TULP4: variants seen among roughly 807,000 people sequenced by gnomAD.
TULP4 encodes the protein TUB like protein 4.
A neutral mutation model predicts 129.0 loss-of-function variants in TULP4; 16 were observed. That is an observed-to-expected ratio of 0.12 (90% confidence interval 0.08 to 0.19). The LOEUF is 0.19. Among genes scored for constraint, TULP4 ranks in the 10% least tolerant of loss-of-function variants. The pLI is 1.00. For synonymous variants in TULP4, 998 were observed against 854.0 expected, an observed-to-expected ratio of 1.17 and a Z score of -2.94; for missense variants, 1,842 against 2,059.1, an observed-to-expected ratio of 0.89 and a Z score of 2.04.
chr6:158,239,659 C>A (rs1313350605), intron 1 of TULP4, among the ~76,000 whole-genome samples: 1 of 71,514 alleles, frequency 1.4e-5, no homozygotes, highest in African/African-American at 4.7e-5. Context: ...CACCTCCCTC[C>A]CGGACCGGGC....
chr6:158,295,968 C>G (rs1045921625), intron 1 of TULP4, among the ~76,000 whole-genome samples: 4 of 152,200 alleles, frequency 2.6e-5, no homozygotes, highest in African/African-American at 9.6e-5. Context: ...TAGCCACCCC[C>G]CAAATAAGCA....
chr6:158,435,758 G>A (rs1001083630), intron 3 of TULP4, among the ~76,000 whole-genome samples: 5 of 151,946 alleles, frequency 3.3e-5, no homozygotes, highest in African/African-American at 4.8e-5. Flanking sequence ...AGACGTAGAC[G>A]TTGCTCAAGT....
chr6:158,280,297 A>G (rs939062201), upstream of TULP4, among the ~76,000 whole-genome samples: 1 of 152,148 alleles, frequency 6.6e-6, no homozygotes, highest in African/African-American at 2.4e-5. Context: ...ATGCCATTTT[A>G]TCTTTTTTTA....
At chr6:158,483,243 A>G (rs976132439) in intron 8 of TULP4, among the ~76,000 whole-genome samples, 12 of 152,262 alleles carry the variant, frequency 7.9e-5, no homozygotes, top group Non-Finnish European at 1.5e-4. Flanking sequence ...AAGGCACAAT[A>G]TAACTAATTG....
At chr6:158,303,958 G>C (rs6455563) in intron 1 of TULP4, among the ~76,000 whole-genome samples, 2,723 of 152,246 alleles carry the variant, frequency 0.018, 73 homozygotes, top group African/African-American at 0.061. Context: ...CTCCACTCCC[G>C]ATGGTAAATT....
chr6:158,317,370 A>G (rs910842387), intron 1 of TULP4, among the ~76,000 whole-genome samples: 1 of 145,258 alleles, frequency 6.9e-6, no homozygotes, highest in Non-Finnish European at 1.5e-5. Context: ...CCTGTATCCA[A>G]GTGTTCTCAT....
At chr6:158,402,547 T>G (rs1777877341) in intron 1 of TULP4, among the ~76,000 whole-genome samples, 1 of 152,242 alleles carries the variant, frequency 6.6e-6, no homozygotes. Context: ...TACTCAAAAT[T>G]AACTGGACTT....
At chr6:158,448,965 C>G (rs1779108672) in intron 3 of TULP4, 31 bp from the exon 4 acceptor site, 2 of 1,572,832 alleles carry the variant, frequency 1.3e-6, no homozygotes, top group African/African-American at 2.7e-5. Context: ...CTTGCTGCCA[C>G]TTGGTCAGAG....
At chr6:158,234,905 G>A (rs775460313) in intron 1 of TULP4, among the ~76,000 whole-genome samples, 13 of 152,122 alleles carry the variant, frequency 8.5e-5, no homozygotes, top group Non-Finnish European at 1.5e-4. Flanking sequence ...GGTGGCTCCC[G>A]CCTATAATCC....
rs749231426 is a variant in TULP4 at position 158,481,075 on chromosome 6, C to T, written c.1272C>T (p.Asn424=). The T allele has an allele frequency of 1.9e-6, 3 of 1,580,112 alleles. No individual in the cohort carries two copies. In the East Asian group the frequency reaches 6.8e-5, roughly 36 times the overall value. ...PTIKPPIPDP[N]NMRDFVSYPS... ...TCCAGCCCCCAATTCCAGATCCGAA[C>T]AACATGAGAGACTTTGTCAGCTACC... The change falls in exon 8 of 14, where the codon AAC becomes AAT. Residue 424 remains asparagine, a synonymous_variant. Transcript: ENST00000367097.
chr6:158,475,217 T>G (rs1329346053), intron 6 of TULP4, among the ~76,000 whole-genome samples: 8 of 152,174 alleles, frequency 5.3e-5, no homozygotes, highest in Non-Finnish European at 5.9e-5. Context: ...GCCTCAGCAT[T>G]GAGGGGGAGA....
chr6:158,311,657 A>G (rs1349583537), upstream of TULP4, among the ~76,000 whole-genome samples: 2 of 152,136 alleles, frequency 1.3e-5, no homozygotes, highest in Admixed American at 1.3e-4. Context: ...AACTTGCCTG[A>G]GTCATTTCAG....
chr6:158,259,851 G>A (rs1301023175), intron 1 of TULP4, among the ~76,000 whole-genome samples: 1 of 152,190 alleles, frequency 6.6e-6, no homozygotes, highest in African/African-American at 2.4e-5. Flanking sequence ...TACAACTCAG[G>A]AACAGCCAAA....
intron 13 of TULP4, 117 bp from the exon 14 acceptor site, chr6:158,506,460 TG>T (rs1311328082): frequency 1.3e-6 from 1 of 745,916 alleles, no homozygotes; most frequent in Non-Finnish European, 2.5e-6. Context: ...CTCTATCTCC[TG>T]ACGTCGTGAT....
In TULP4 at chr6:158,446,974, G is replaced by A. The variant is rs571633758; in HGVS notation, c.544-2022G>A. Among the ~76,000 whole-genome samples, 7 of 152,240 alleles carry A rather than the reference G, an allele frequency of 4.6e-5. No homozygotes were observed. The South Asian group carries it at 1.2e-3, about 27-fold the overall frequency. On this transcript the variant is annotated intron_variant, in intron 3 of 13. Coordinates refer to ENST00000367097, the MANE Select transcript of TULP4 (RefSeq NM_020245.5). ...AATACCATCAACATAAATTGGGGAG[G>A]CGGGGAGCTCATAAACATTCAGTCC...
intron 1 of TULP4, among the ~76,000 whole-genome samples, chr6:158,275,547 C>G (rs1778630436): frequency 1.3e-5 from 2 of 152,198 alleles, no homozygotes; most frequent in Admixed American, 6.5e-5. Context: ...TTCTTTAGCT[C>G]TCAATGCCCA....
upstream of TULP4, among the ~76,000 whole-genome samples, chr6:158,277,883 C>CT (rs1778675053): frequency 6.6e-6 from 1 of 152,146 alleles, no homozygotes. Flanking sequence ...CCTTTGTGGT[C>CT]TTTCTGGGCC....
At position 158,387,298 on chromosome 6, in the gene TULP4, C is replaced by T. The variant is rs374613372; in HGVS notation, c.253-25767C>T. The stretch of plus-strand genomic sequence containing the variant: ...GGTAGAGGCCTTAAGTATTAGATGA[C>T]GATCTGTCAGTCCCGTATATCTATC... On this transcript the variant is annotated intron_variant, in intron 1 of 13. Transcript: ENST00000367097. Among the ~76,000 whole-genome samples, 90 of 152,202 alleles carry T rather than the reference C, an allele frequency of 5.9e-4. 1 individual carries two copies. The highest frequency in any genetic ancestry group is 1.9e-3 in the African/African-American group (79 of 41,516).
At chr6:158,395,370 C>G (rs554955351) in intron 1 of TULP4, among the ~76,000 whole-genome samples, 1 of 151,768 alleles carries the variant, frequency 6.6e-6, no homozygotes, top group African/African-American at 2.4e-5. Context: ...CACCTAAGGT[C>G]GGGAGTTTGA....
Sources: allele counts gnomAD v4.1 joint callset (sites outside exome capture counted in the v4.1 genomes callset), GRCh38; gene constraint gnomAD v4.1.1; transcripts MANE v1.5; gene names NCBI Gene and HGNC (gene_info 2026-07-23, HGNC 2026-07-21).